The following CHRM5 variants were observed in gnomAD, a reference collection of about 807,000 sequenced individuals.
CHRM5 encodes cholinergic receptor muscarinic 5.
In CHRM5, 18 loss-of-function variants were observed where a neutral mutation model predicts 39.0. That is an observed-to-expected ratio of 0.46 (90% CI 0.32 to 0.68). The LOEUF (loss-of-function observed/expected upper bound fraction) is 0.68. Among genes scored for constraint, CHRM5 ranks in the 30% least tolerant of loss-of-function variants. The probability of loss-of-function intolerance (pLI) is 0.04; values close to 1 mark genes in which losing one functional copy is unlikely to be tolerated. For synonymous variants in CHRM5, 241 were observed against 246.3 expected (o/e 0.98, Z 0.20); for missense variants, 515 against 651.1 (o/e 0.79, Z 2.28).
chr15:33,977,190 A>G (rs1895921732), intron 1 of CHRM5, among the ~76,000 whole-genome samples: 1 of 152,196 alleles, frequency 6.6e-6, no homozygotes. Flanking sequence ...CACAAAATAT[A>G]CATTTAAAGG....
intron 1 of CHRM5, among the ~76,000 whole-genome samples, chr15:33,984,160 C>T (rs1896317024): frequency 2.6e-5 from 4 of 151,896 alleles, no homozygotes; most frequent in Admixed American, 2.6e-4. Context: ...ATGTTAATTT[C>T]TTAGTTTTGA....
intron 2 of CHRM5, among the ~76,000 whole-genome samples, chr15:34,049,467 C>T (rs942505218): frequency 1.3e-5 from 2 of 151,970 alleles, no homozygotes; most frequent in African/African-American, 4.8e-5. Context: ...AGTTTGAAGA[C>T]TATTTTTCTG....
chr15:34,064,532 A>G lies in CHRM5; in HGVS notation c.*216A>G. On this transcript the variant is annotated 3_prime_UTR_variant, in exon 3 of 3. Coordinates refer to ENST00000383263, the MANE Select transcript of CHRM5 (RefSeq NM_012125.4). ...ATGACTCTTGCCTATGACCAAGGCC[A>G]TTTGATGCCAGGGGAGTTTGCCAAT... 1 of 603,648 alleles carries G rather than the reference A, an allele frequency of 1.7e-6. No homozygotes were observed. Among genetic ancestry groups the G allele is most frequent in the South Asian group, 2.2e-5 (1 of 45,312 alleles). 37.4% of individuals were successfully genotyped at this position (603,648 alleles called of 1,614,324 possible).
chr15:34,042,482 C>T (rs564147356), intron 1 of CHRM5, among the ~76,000 whole-genome samples: 2 of 148,484 alleles, frequency 1.3e-5, no homozygotes, highest in East Asian at 4.0e-4. Flanking sequence ...CTCACCACAA[C>T]CTCTGCCTCC....
intron 1 of CHRM5, among the ~76,000 whole-genome samples, chr15:34,030,403 T>A (rs551948756): frequency 6.6e-6 from 1 of 151,690 alleles, no homozygotes; most frequent in Non-Finnish European, 1.5e-5. Flanking sequence ...TGGAGTGCAG[T>A]GGCGCAATCT....
chr15:34,001,873 A>G (rs1051326316), intron 1 of CHRM5, among the ~76,000 whole-genome samples: 1 of 152,246 alleles, frequency 6.6e-6, no homozygotes, highest in Non-Finnish European at 1.5e-5. Context: ...GTAGAACTAA[A>G]CAGCAACATC....
chr15:34,038,547 C>G (rs937086414), intron 1 of CHRM5, among the ~76,000 whole-genome samples: 43 of 152,034 alleles, frequency 2.8e-4, no homozygotes, highest in Non-Finnish European at 4.7e-4. Context: ...CTCCTACCCC[C>G]ACTGTCTCGC....
intron 1 of CHRM5, among the ~76,000 whole-genome samples, chr15:34,034,511 AAT>A (rs1033490949): frequency 1.3e-5 from 2 of 152,092 alleles, no homozygotes; most frequent in African/African-American, 4.8e-5. Context: ...TTAAAAAGTC[AAT>A]ATATACAATA....
intron 1 of CHRM5, among the ~76,000 whole-genome samples, chr15:34,041,572 T>C (rs1729328597): frequency 6.6e-6 from 1 of 152,188 alleles, no homozygotes. Context: ...GCACATTCAC[T>C]ATGCTTGATA....
At position 34,063,961 on chromosome 15, in the gene CHRM5, C is replaced by T. The variant is rs193093417; in HGVS notation, c.1244C>T (p.Thr415Met). 2.4e-5 allele frequency: 38 copies of T among 1,614,110 alleles called. No homozygotes were observed. Among genetic ancestry groups the T allele is most frequent in the Middle Eastern group, 1.6e-4 (1 of 6,062 alleles). Residue 415 changes from threonine (T) to methionine (M), a missense_variant, in exon 3 of 3, where the codon ACG becomes ATG. Physicochemically the swap from Thr to Met is moderately conservative, Grantham distance 81. Coordinates refer to ENST00000383263, the MANE Select transcript of CHRM5 (RefSeq NM_012125.4). This position sits in a 1 kb window ranked among gnomAD's most constrained non-coding sequence, Gnocchi z 4.1. ...TTCCCAGTGGCCAAGGAACCTTCAA[C>T]GAAAGGCCTCAATCCCAACCCCAGC... Reference protein sequence around the residue: ...CPFPVAKEPSTKGLNPNPSHQ... With the variant: ...CPFPVAKEPSMKGLNPNPSHQ...
At chr15:34,045,011 G>A (rs1265642509) in intron 1 of CHRM5, among the ~76,000 whole-genome samples, 1 of 152,176 alleles carries the variant, frequency 6.6e-6, no homozygotes, top group Non-Finnish European at 1.5e-5. Flanking sequence ...TCGTGCCACT[G>A]CACTCCAGCC....
At chr15:34,003,765 T>C (rs1308545485) in intron 1 of CHRM5, among the ~76,000 whole-genome samples, 2 of 152,206 alleles carry the variant, frequency 1.3e-5, no homozygotes, top group African/African-American at 2.4e-5. Flanking sequence ...GTACTACATT[T>C]ATACATAAGA....
chr15:34,040,243 A>G (rs913874329), intron 1 of CHRM5, among the ~76,000 whole-genome samples: 6 of 152,204 alleles, frequency 3.9e-5, no homozygotes, highest in Non-Finnish European at 8.8e-5. Context: ...GTGTGAATAG[A>G]TGATTACAGT....
chr15:34,033,323 C>T (rs749902302), intron 1 of CHRM5, among the ~76,000 whole-genome samples: 3 of 151,952 alleles, frequency 2.0e-5, no homozygotes, highest in Non-Finnish European at 2.9e-5. Flanking sequence ...CTGAGCAACA[C>T]GGTGAAATCC....
chr15:34,052,458 AC>A (rs1261105901), intron 2 of CHRM5, among the ~76,000 whole-genome samples: 1 of 152,216 alleles, frequency 6.6e-6, no homozygotes, highest in Non-Finnish European at 1.5e-5. Flanking sequence ...ACTCTGTCTT[AC>A]CACTCCTATT....
rs1351381769 is a variant in CHRM5 at position 34,066,244 on chromosome 15, G to A, written c.*1928G>A. 6.6e-6 allele frequency: 1 copy of A among 152,240 alleles called. No homozygotes were observed. Among genetic ancestry groups the A allele is most frequent in the Non-Finnish European group, 1.5e-5 (1 of 68,054 alleles). 9.4% of individuals were successfully genotyped at this position (152,240 alleles called of 1,614,324 possible). ...GGCCTCCGTGATGCCAACTGGGTGT[G>A]ACTTCATGAGCAAACCTGCTCTACC... On this transcript the variant is annotated 3_prime_UTR_variant, in exon 3 of 3. Transcript: ENST00000383263.
intron 1 of CHRM5, among the ~76,000 whole-genome samples, chr15:34,007,797 G>A (rs481021): frequency 0.038 from 5,717 of 152,244 alleles, 155 homozygotes; most frequent in Non-Finnish European, 0.057. Context: ...GGTAGGGTTG[G>A]CTCTTTCTGG....
At chr15:33,993,741 C>T (rs548252417) in intron 1 of CHRM5, among the ~76,000 whole-genome samples, 2 of 152,312 alleles carry the variant, frequency 1.3e-5, no homozygotes, top group South Asian at 2.1e-4. Context: ...ATCATTACAC[C>T]TCATCTCCCC....
At chr15:34,004,756 G>C (rs1317421536) in intron 1 of CHRM5, among the ~76,000 whole-genome samples, 1 of 151,930 alleles carries the variant, frequency 6.6e-6, no homozygotes, top group Non-Finnish European at 1.5e-5. Flanking sequence ...CTGGATGATG[G>C]GTACATGGAA....
Sources: gnomAD v4.1 joint callset for allele counts (sites outside exome capture counted in the v4.1 genomes callset) on GRCh38, gnomAD v4.1.1 for gene constraint, Gnocchi (gnomAD v3.1) non-coding constraint, MANE v1.5 for transcripts, NCBI Gene and HGNC (gene_info 2026-07-23, HGNC 2026-07-21) for gene names.